Variants in TTLL3 observed in about 807,000 individuals in gnomAD.
TTLL3 encodes tubulin monoglycylase TTLL3.
In TTLL3, 63 loss-of-function variants were observed where a neutral mutation model predicts 75.2. The ratio of observed to expected loss-of-function variants is 0.84; its 90% CI spans 0.68 to 1.03. The LOEUF is 1.03. Ranked by LOEUF, TTLL3 falls within the 50% of genes least tolerant of loss-of-function variation. The pLI, the probability that TTLL3 is intolerant of heterozygous loss-of-function variation, is 0.00. For missense variants in TTLL3, 997 were observed against 1,069.9 expected, an observed-to-expected ratio of 0.93 and a Z score of 0.95; for synonymous variants, 393 against 418.5, an observed-to-expected ratio of 0.94 and a Z score of 0.74.
chr3:9,825,724 G>A, intron 8 of TTLL3, 76 bp from the exon 9 acceptor site: 1 of 1,612,742 alleles, frequency 6.2e-7, no homozygotes, highest in African/African-American at 1.3e-5. Flanking sequence ...GGGGATGGTG[G>A]AATATATCTC....
At position 9,834,568 on chromosome 3, in the gene TTLL3, C is replaced by T. The variant is rs552417964; in HGVS notation, c.1826-113C>T. 318 of 1,504,538 alleles carry T rather than the reference C, an allele frequency of 2.1e-4. 1 individual carries two copies. Among genetic ancestry groups the T allele is most frequent in the African/African-American group, 1.4e-3 (102 of 72,424 alleles). The allele number at this position is 1,504,538 out of a possible 1,614,324, so 93.2% of individuals were successfully genotyped here. A position where few individuals can be genotyped will look rare whatever the true frequency, so the allele number is the denominator to read the frequency against. ...GGAGGAGGAACCGGGAGGGCTCCGT[C>T]GGCCTTCACCCCATTCCCTCCATAT... On this transcript the variant is annotated intron_variant, in intron 12 of 13. Transcript: ENST00000685419.
At chr3:9,817,942 C>A in intron 6 of TTLL3, 183 bp downstream of exon 6, 1 of 767,896 alleles carries the variant, frequency 1.3e-6, no homozygotes, top group Non-Finnish European at 2.0e-6. Context: ...AGCCTCTTAG[C>A]TTGGTCAACT....
At chr3:9,825,002 A>G (rs1452478700) in intron 8 of TTLL3, among the ~76,000 whole-genome samples, 1 of 151,860 alleles carries the variant, frequency 6.6e-6, no homozygotes, top group Non-Finnish European at 1.5e-5. Flanking sequence ...CCGCCTCCCA[A>G]AGTGCTGGGA....
chr3:9,834,375 T>G, intron 12 of TTLL3: 1 of 573,256 alleles, frequency 1.7e-6, no homozygotes, highest in Non-Finnish European at 3.3e-6. Flanking sequence ...CCCAGCTCCT[T>G]TAGTGTTTAC....
chr3:9,810,195 G>C (rs1267720790), upstream of TTLL3: 1 of 1,479,840 alleles, frequency 6.8e-7, no homozygotes, highest in Admixed American at 2.4e-5. This position sits in a 1 kb window ranked among gnomAD's most constrained non-coding sequence, Gnocchi z 4.4. Flanking sequence ...CCAGGAGGCT[G>C]CCATGGGCCG....
At chr3:9,830,102 C>CA (rs2081384664) in intron 11 of TTLL3, among the ~76,000 whole-genome samples, 1 of 152,166 alleles carries the variant, frequency 6.6e-6, no homozygotes, top group Admixed American at 6.5e-5. Context: ...CTCGGCCTCC[C>CA]AAAGTGCTGG....
chr3:9,823,179 C>T (rs933534799), intron 8 of TTLL3, among the ~76,000 whole-genome samples: 5 of 151,868 alleles, frequency 3.3e-5, no homozygotes, highest in Admixed American at 2.0e-4. Flanking sequence ...ATCAGGAGAT[C>T]GAGACCATCC....
chr3:9,820,335 T>C (rs1056399700), intron 7 of TTLL3: 50 of 1,422,398 alleles, frequency 3.5e-5, no homozygotes, highest in Non-Finnish European at 4.4e-5. Context: ...TGACAGGTCC[T>C]GGGACAGTGG....
At position 9,818,923 on chromosome 3, in the gene TTLL3, A is replaced by G; in HGVS notation, c.658+3A>G. The G allele has an allele frequency of 6.2e-7, 1 of 1,613,968 alleles. No individual in the cohort carries two copies. Among genetic ancestry groups the G allele is most frequent in the Non-Finnish European group, 8.5e-7 (1 of 1,179,932 alleles). On this transcript the variant is annotated splice_donor_region_variant and intron_variant, in intron 7 of 13. Transcript: ENST00000685419. The stretch of plus-strand genomic sequence containing the variant: ...GGCAGTAGAGGAAGAGGCCTCAGGT[A>G]AGTACTGTGGTTACCTCCACTCTCC...
In TTLL3 at chr3:9,826,914, G is replaced by T; in HGVS notation, c.1004-83G>T. On this transcript the variant is annotated intron_variant, in intron 9 of 13. Transcript: ENST00000685419. ...ACCCACTCAGCCCTATCAGCTCCGA[G>T]GGGACAAGAGCTCATGACAAGCTGG... 3 of 1,588,036 alleles carry T rather than the reference G, an allele frequency of 1.9e-6. No individual in the cohort carries two copies. The South Asian group carries it at 3.5e-5, about 18-fold the overall frequency.
At chr3:9,825,177 C>G (rs2080904733) in intron 8 of TTLL3, among the ~76,000 whole-genome samples, 1 of 151,990 alleles carries the variant, frequency 6.6e-6, no homozygotes, top group African/African-American at 2.4e-5. Context: ...ATAATAAGAC[C>G]CATCTCTGCA....
Position 9,833,258 on chromosome 3 carries a change from G to T in TTLL3, c.1825+13G>T. The stretch of plus-strand genomic sequence containing the variant: ...GGCTCTGGGGAAGGCAAGGACTCGG[G>T]GACCCCTACCCACAGGTCAGCTTCT... On this transcript the variant is annotated intron_variant, in intron 12 of 13. Transcript: ENST00000685419. The T allele has an allele frequency of 6.2e-7, 1 of 1,613,434 alleles. No homozygotes were observed. The highest frequency in any genetic ancestry group is 1.1e-5 in the South Asian group (1 of 91,052).
At chr3:9,820,362 C>T in intron 7 of TTLL3, 184 bp from the exon 8 acceptor site, 1 of 1,460,234 alleles carries the variant, frequency 6.8e-7, no homozygotes, top group Non-Finnish European at 9.0e-7. Context: ...AGGGCAAGTG[C>T]TAGAGTTGCA....
In TTLL3 at chr3:9,827,186, G is replaced by A. The variant is rs35644696; in HGVS notation, c.1193G>A (p.Arg398His). 346 of 1,614,234 alleles carry A rather than the reference G, an allele frequency of 2.1e-4. No homozygotes were observed. The highest frequency in any genetic ancestry group is 1.2e-3 in the Middle Eastern group (7 of 6,062). The change falls in exon 10 of 14, where the codon CGC becomes CAC. Residue 398 changes from arginine (R) to histidine (H), a missense_variant. By Grantham distance (29) the Arg-to-His change is conservative. Coordinates refer to ENST00000685419, the MANE Select transcript of TTLL3 (RefSeq NM_001387446.1). Reference protein sequence around the residue: ...DWNPLTVWFYRDSYIRFSTQP... With the variant: ...DWNPLTVWFYHDSYIRFSTQP... ...AACCCACTTACCGTGTGGTTCTACCGCGACAGCTATATCCGCTTTTCCACG... is the reference window on the plus strand; with the variant it reads ...AACCCACTTACCGTGTGGTTCTACCACGACAGCTATATCCGCTTTTCCACG...
chr3:9,814,309 C>A (rs2079617289), intron 4 of TTLL3, among the ~76,000 whole-genome samples: 1 of 151,806 alleles, frequency 6.6e-6, no homozygotes, highest in South Asian at 2.1e-4. Context: ...GCACCCCAGC[C>A]TGGGTGACAG....
intron 11 of TTLL3, among the ~76,000 whole-genome samples, chr3:9,830,235 C>T (rs2081395069): frequency 6.6e-6 from 1 of 152,200 alleles, no homozygotes; most frequent in South Asian, 2.1e-4. Context: ...GGAGTTTCAT[C>T]ATGTATAACC....
intron 6 of TTLL3, 27 bp downstream of exon 6, chr3:9,817,786 G>T (rs751453596): frequency 2.9e-5 from 46 of 1,613,786 alleles, no homozygotes; most frequent in Non-Finnish European, 3.6e-5. Context: ...CCCTATGCCT[G>T]AACCTCAGGC....
chr3:9,815,233 C>A (rs2079728822), intron 4 of TTLL3, among the ~76,000 whole-genome samples: 1 of 98,488 alleles, frequency 1.0e-5, no homozygotes, highest in South Asian at 3.5e-4. Context: ...AAGAGTCAGA[C>A]TCCATCTCAA....
chr3:9,832,970 T>A (rs2081706332), intron 11 of TTLL3, 134 bp from the exon 12 acceptor site: 2 of 1,096,302 alleles, frequency 1.8e-6, no homozygotes, highest in East Asian at 4.8e-5. Context: ...GGCTTTCCAT[T>A]TCTCAGCTCA....
Sources: gnomAD v4.1 joint callset for allele counts (sites outside exome capture counted in the v4.1 genomes callset) on GRCh38, gnomAD v4.1.1 for gene constraint, Gnocchi (gnomAD v3.1) non-coding constraint, MANE v1.5 for transcripts, NCBI Gene and HGNC (gene_info 2026-07-23, HGNC 2026-07-21) for gene names.